ZNF738: variants seen among roughly 807,000 people sequenced by gnomAD.
The protein encoded by ZNF738 is protein ZNF738.
ZNF738 carries 10 observed loss-of-function variants against 9.2 expected under a neutral mutation model. That is an observed-to-expected ratio of 1.09 (90% CI 0.67 to 1.85). The LOEUF is 1.85. ZNF738 is among the 40% of genes most tolerant of loss of function. The probability of loss-of-function intolerance (pLI) is 0.00; values close to 1 mark genes in which losing one functional copy is unlikely to be tolerated. For missense variants in ZNF738, 346 were observed against 283.6 expected (o/e 1.22, Z -1.58); for synonymous variants, 113 against 94.5 (o/e 1.20, Z -1.14).
chr19:21,376,027 AAG>A, intron 4 of ZNF738, 63 bp downstream of exon 4: 1 of 666,374 alleles, frequency 1.5e-6, no homozygotes, highest in Non-Finnish European at 2.7e-6. Context: ...AAAAAAAAAA[AAG>A]CAGTCCCTAT....
chr19:21,375,961 C>G lies in ZNF738; in HGVS notation c.316C>G (p.Pro106Ala), dbSNP rs1187545834. Residue 106 changes from proline (P) to alanine (A), a missense_variant, in exon 4 of 5, where the codon CCA becomes GCA. Pro to Ala is a conservative substitution (Grantham distance 27, BLOSUM62 -1). Coordinates refer to ENST00000683779, the MANE Select transcript of ZNF738 (RefSeq NM_001355237.2). ...MKRHSMVATP[P>A]VTYSHFAQDL... is the part of the protein sequence containing the mutation. ...GAGACACAGTATGGTAGCCACACCC[C>G]CAGGTAGGTGAGAGTGAATAAAACA... 1 of 762,574 alleles carries G rather than the reference C, an allele frequency of 1.3e-6. No homozygotes were observed. Among genetic ancestry groups the G allele is most frequent in the Non-Finnish European group, 2.4e-6 (1 of 415,196 alleles). The allele number at this position is 762,574 out of a possible 1,614,324, so 47.2% of individuals were successfully genotyped here.
chr19:21,361,232 G>T (rs1203292807), intron 1 of ZNF738, among the ~76,000 whole-genome samples: 2 of 152,074 alleles, frequency 1.3e-5, no homozygotes, highest in African/African-American at 2.4e-5. Flanking sequence ...CTGCCTCCCG[G>T]GTTCAGGCGA....
chr19:21,383,227 T>A lies in ZNF738; in HGVS notation c.681T>A (p.Ile227=). The stretch of plus-strand genomic sequence containing the variant: ...TAGGTCAACATAAAATAATTCATAT[T>A]AGAGAGAATTCTTACCAATGTGAAG... ...LHLGQHKIIH[I]RENSYQCEEC... The change falls in exon 5 of 5, where the codon ATT becomes ATA. Residue 227 remains isoleucine, a synonymous_variant. Coordinates refer to ENST00000683779, the MANE Select transcript of ZNF738 (RefSeq NM_001355237.2). 1 of 1,596,194 alleles carries A rather than the reference T, an allele frequency of 6.3e-7. No individual in the cohort carries two copies. The highest frequency in any genetic ancestry group is 8.6e-7 in the Non-Finnish European group (1 of 1,165,372).
intron 2 of ZNF738, among the ~76,000 whole-genome samples, chr19:21,373,803 T>C (rs1464757915): frequency 1.3e-5 from 2 of 149,678 alleles, no homozygotes; most frequent in Non-Finnish European, 3.0e-5. Flanking sequence ...CAGCTAAACA[T>C]GTGTCAGATG....
In ZNF738 at chr19:21,385,019, T is replaced by C. The variant is rs765615665; in HGVS notation, c.*1345T>C. ...AGAATTTCTACAAATGTGAAGAATG[T>C]GGCAAAGGCTTTGACTGGTCCTCTA... is the stretch of plus-strand genomic sequence containing the variant. On this transcript the variant is annotated 3_prime_UTR_variant, in exon 5 of 5. Coordinates refer to ENST00000683779, the MANE Select transcript of ZNF738 (RefSeq NM_001355237.2). Among the ~76,000 whole-genome samples the C allele has an allele frequency of 2.6e-5, 4 of 152,388 alleles. No individual in the cohort carries two copies. The highest frequency in any genetic ancestry group is 6.8e-3 in the Middle Eastern group (2 of 294).
chr19:21,365,098 T>G (rs1211244508), intron 2 of ZNF738, among the ~76,000 whole-genome samples: 1 of 151,974 alleles, frequency 6.6e-6, no homozygotes, highest in Non-Finnish European at 1.5e-5. Context: ...GGTGGATTAT[T>G]TATTCCCATT....
chr19:21,373,848 T>C (rs1036833539), intron 2 of ZNF738, among the ~76,000 whole-genome samples: 1 of 151,898 alleles, frequency 6.6e-6, no homozygotes, highest in African/African-American at 2.4e-5. Context: ...TGGAGTGCGA[T>C]GCATTTAGTC....
chr19:21,371,402 C>T (rs1480795688), intron 2 of ZNF738, among the ~76,000 whole-genome samples: 4 of 152,176 alleles, frequency 2.6e-5, no homozygotes, highest in Non-Finnish European at 4.4e-5. Flanking sequence ...GTTTCTGTCT[C>T]GTTGTAAGAG....
intron 2 of ZNF738, among the ~76,000 whole-genome samples, chr19:21,363,734 C>T (rs975725484): frequency 6.6e-6 from 1 of 151,150 alleles, no homozygotes; most frequent in African/African-American, 2.4e-5. Flanking sequence ...ACTAAAAATA[C>T]AAAAATTAAC....
chr19:21,384,184 A>C lies in ZNF738; in HGVS notation c.*510A>C. ...CGCTACAAATGTGAGGAATGTGGCAAAGCTTTTAACTGGTACTCACGCCTT... is the reference window on the plus strand; with the variant it reads ...CGCTACAAATGTGAGGAATGTGGCACAGCTTTTAACTGGTACTCACGCCTT... On this transcript the variant is annotated 3_prime_UTR_variant, in exon 5 of 5. Transcript: ENST00000683779. 7.0e-7 allele frequency: 1 copy of C among 1,429,002 alleles called. No homozygotes were observed. Among genetic ancestry groups the C allele is most frequent in the South Asian group, 1.1e-5 (1 of 87,272 alleles). The allele number at this position is 1,429,002 out of a possible 1,614,324, so 88.5% of individuals were successfully genotyped here.
intron 4 of ZNF738, chr19:21,381,870 G>C (rs1680354362): frequency 3.6e-6 from 1 of 277,438 alleles, no homozygotes; most frequent in South Asian, 6.8e-5. Context: ...GTGGGCTGCA[G>C]CTTCCTCTTG....
intron 2 of ZNF738, 41 bp downstream of exon 2, chr19:21,361,899 T>C (rs1296014605): frequency 2.7e-6 from 2 of 748,688 alleles, no homozygotes; most frequent in Non-Finnish European, 5.0e-6. Context: ...GGGACCAGCT[T>C]GAAAAACATG....
intron 2 of ZNF738, among the ~76,000 whole-genome samples, chr19:21,363,430 G>A (rs193199792): frequency 1.3e-5 from 2 of 152,254 alleles, no homozygotes; most frequent in Admixed American, 1.3e-4. Flanking sequence ...CTCCAGTCAT[G>A]GAAGAAGCCT....
intron 4 of ZNF738, chr19:21,381,342 C>T: frequency 1.3e-6 from 2 of 1,534,370 alleles, no homozygotes; most frequent in South Asian, 2.2e-5. Flanking sequence ...GTTAGCTTTG[C>T]TTTCTTTTTG....
At chr19:21,381,323 C>T (rs540231526) in intron 4 of ZNF738, 1 of 1,560,700 alleles carries the variant, frequency 6.4e-7, no homozygotes, top group South Asian at 1.1e-5. Flanking sequence ...CATTTCCGCT[C>T]CTAAAACTGT....
chr19:21,375,925 TG>T lies in ZNF738; in HGVS notation c.282del (p.Trp94Ter). ...ITCLEQGKDP[W>X]NMKRHSMVAT... ...CTGTCTGGAGCAAGGAAAAGATCCCTGGAATATGAAGAGACACAGTATGGTA... is the reference window on the plus strand; with the variant it reads ...CTGTCTGGAGCAAGGAAAAGATCCCTGAATATGAAGAGACACAGTATGGTA... On this transcript the variant is annotated frameshift_variant, in exon 4 of 5. Transcript: ENST00000683779. LOFTEE classifies it low-confidence loss of function (END_TRUNC). The T allele has an allele frequency of 1.3e-6, 1 of 797,422 alleles. No homozygotes were observed. Among genetic ancestry groups the T allele is most frequent in the Non-Finnish European group, 2.3e-6 (1 of 435,626 alleles). 49.4% of individuals were successfully genotyped at this position (797,422 alleles called of 1,614,324 possible).
At chr19:21,373,303 G>A (rs1432671164) in intron 2 of ZNF738, among the ~76,000 whole-genome samples, 1 of 152,156 alleles carries the variant, frequency 6.6e-6, no homozygotes, top group East Asian at 1.9e-4. Flanking sequence ...CTAGGTGAAA[G>A]TATTCATGTT....
At position 21,377,725 on chromosome 19, in the gene ZNF738, T is replaced by A. The variant is rs542773211; in HGVS notation, c.319+1761T>A. On this transcript the variant is annotated intron_variant, in intron 4 of 4. Coordinates refer to ENST00000683779, the MANE Select transcript of ZNF738 (RefSeq NM_001355237.2). ...TATTTGCATGCAATGTCTAAATCTA[T>A]CTTGCCACCTTCAGTATGTTTTTAA... 4.3e-5 allele frequency: 16 copies of A among 368,156 alleles called. 1 individual carries two copies. In the South Asian group the frequency reaches 2.2e-3, roughly 51 times the overall value. The allele number at this position is 368,156 out of a possible 1,614,324, so 22.8% of individuals were successfully genotyped here.
chr19:21,379,951 T>C (rs945212559), intron 4 of ZNF738, among the ~76,000 whole-genome samples: 3 of 152,174 alleles, frequency 2.0e-5, no homozygotes, highest in African/African-American at 7.2e-5. Context: ...TGTCATCTCA[T>C]AGAATACTTA....
Sources: allele counts gnomAD v4.1 joint callset (sites outside exome capture counted in the v4.1 genomes callset), GRCh38; gene constraint gnomAD v4.1.1; transcripts MANE v1.5; gene names NCBI Gene and HGNC (gene_info 2026-07-23, HGNC 2026-07-21).